The following VRK2 variants were observed in gnomAD, a reference collection of about 807,000 sequenced individuals.
VRK2 encodes the protein serine/threonine-protein kinase VRK2.
In VRK2, 60 loss-of-function variants were observed where a neutral mutation model predicts 57.6. That is an observed-to-expected ratio of 1.04 (90% confidence interval 0.85 to 1.29). The LOEUF (loss-of-function observed/expected upper bound fraction) is 1.29. VRK2 is among the 50% of genes most tolerant of loss of function. VRK2 has a pLI of 0.00. For missense variants in VRK2, 705 were observed against 588.1 expected, an observed-to-expected ratio of 1.20 and a Z score of -2.06; for synonymous variants, 231 against 199.2, an observed-to-expected ratio of 1.16 and a Z score of -1.35.
At chr2:58,041,098 A>G in intron 3 of VRK2, 1 of 981,948 alleles carries the variant, frequency 1.0e-6, no homozygotes, top group Non-Finnish European at 1.2e-6. Context: ...TAGAGTGTAA[A>G]TATAGTCTTA....
At chr2:57,987,140 A>G (rs995709828) in intron 1 of VRK2, among the ~76,000 whole-genome samples, 2 of 152,180 alleles carry the variant, frequency 1.3e-5, no homozygotes, top group Non-Finnish European at 2.9e-5. Context: ...AAAGCATAAA[A>G]TATTATAAGA....
At chr2:57,947,201 G>C (rs1269818745) in intron 1 of VRK2, among the ~76,000 whole-genome samples, 4 of 152,144 alleles carry the variant, frequency 2.6e-5, no homozygotes, top group African/African-American at 9.7e-5. Flanking sequence ...ACTACCACCA[G>C]AGTTAAAGAG....
intron 1 of VRK2, among the ~76,000 whole-genome samples, chr2:57,985,007 T>G (rs1672551379): frequency 6.6e-6 from 1 of 151,982 alleles, no homozygotes; most frequent in Admixed American, 6.5e-5. Context: ...AAAGTCAACA[T>G]TAAGTCATTA....
chr2:58,023,227 A>G (rs1673818351), intron 1 of VRK2, among the ~76,000 whole-genome samples: 1 of 152,158 alleles, frequency 6.6e-6, no homozygotes, highest in Admixed American at 6.5e-5. Flanking sequence ...GTTGAATCAT[A>G]CCGTATCTGT....
At chr2:58,130,565 A>T (rs1202658771) in intron 8 of VRK2, among the ~76,000 whole-genome samples, 1 of 152,228 alleles carries the variant, frequency 6.6e-6, no homozygotes, top group Admixed American at 6.5e-5. Flanking sequence ...TTCTGCTTTT[A>T]TAATAACTTA....
At chr2:57,995,879 C>T (rs1372104857) in intron 1 of VRK2, among the ~76,000 whole-genome samples, 2 of 152,208 alleles carry the variant, frequency 1.3e-5, no homozygotes, top group Non-Finnish European at 2.9e-5. Context: ...TTTGCACCAT[C>T]AGTGCAAATG....
chr2:58,028,835 T>TGTAACAA (rs1674015427), intron 2 of VRK2, among the ~76,000 whole-genome samples: 1 of 147,112 alleles, frequency 6.8e-6, no homozygotes, highest in Admixed American at 6.9e-5. Flanking sequence ...TGTATACATA[T>TGTAACAA]GTAACAAACC....
chr2:58,070,022 A>G (rs1011834192), intron 2 of VRK2, among the ~76,000 whole-genome samples: 1 of 152,128 alleles, frequency 6.6e-6, no homozygotes, highest in Non-Finnish European at 1.5e-5. Context: ...GTTTGTGGAA[A>G]ACTGAGCAGA....
At chr2:57,921,113 T>C (rs1572861771) in intron 1 of VRK2, among the ~76,000 whole-genome samples, 4 of 152,048 alleles carry the variant, frequency 2.6e-5, no homozygotes, top group African/African-American at 9.7e-5. Context: ...TCTTGCTAGC[T>C]ACTTGGTATT....
chr2:58,116,228 C>T (rs1279162378), intron 7 of VRK2, among the ~76,000 whole-genome samples: 1 of 151,764 alleles, frequency 6.6e-6, no homozygotes, highest in Non-Finnish European at 1.5e-5. Flanking sequence ...CGTGATCGGT[C>T]GCCAAGGAGG....
At chr2:57,915,993 C>T (rs930222541) in intron 1 of VRK2, among the ~76,000 whole-genome samples, 5 of 152,132 alleles carry the variant, frequency 3.3e-5, no homozygotes, top group African/African-American at 1.2e-4. Context: ...ACTCCCCATG[C>T]CAGTTTCGTG....
intron 2 of VRK2, among the ~76,000 whole-genome samples, chr2:58,052,387 TGG>T: frequency 6.6e-6 from 1 of 151,708 alleles, no homozygotes; most frequent in African/African-American, 2.4e-5. Context: ...CCCAGGCGGG[TGG>T]ATTGCCTGAG....
intron 7 of VRK2, among the ~76,000 whole-genome samples, chr2:58,093,349 T>C (rs1191657293): frequency 1.3e-5 from 2 of 151,860 alleles, no homozygotes; most frequent in Non-Finnish European, 2.9e-5. Flanking sequence ...TTTTAATGAT[T>C]GCCATTCTAA....
At chr2:58,135,308 G>A in intron 10 of VRK2, 109 bp downstream of exon 10, 4 of 1,125,646 alleles carry the variant, frequency 3.6e-6, no homozygotes, top group Non-Finnish European at 4.0e-6. Flanking sequence ...TCCCATCAGG[G>A]TGGGAAGGAG....
rs554555141 is a variant in VRK2 at position 57,976,544 on chromosome 2, C to A, written c.-438-49121C>A. 3.7e-4 allele frequency among the ~76,000 whole-genome samples: 56 copies of A among 152,124 alleles called. 1 individual carries two copies. The highest frequency in any genetic ancestry group is 1.2e-3 in the African/African-American group (50 of 41,512). On this transcript the variant is annotated intron_variant, in intron 1 of 15. Coordinates refer to the VRK2 transcript ENST00000417641. ...AGTATCTCTTCATGCCAGTTACTCACTTTTTAATAGGGTTGTTTGTTTTTT... is the reference window on the plus strand; with the variant it reads ...AGTATCTCTTCATGCCAGTTACTCAATTTTTAATAGGGTTGTTTGTTTTTT...
intron 12 of VRK2, among the ~76,000 whole-genome samples, chr2:58,149,626 G>C (rs774572508): frequency 2.6e-5 from 4 of 151,440 alleles, no homozygotes; most frequent in Non-Finnish European, 5.9e-5. Context: ...CTGATCTTAG[G>C]GGGAATGCAT....
chr2:58,125,701 A>C (rs975017084), intron 8 of VRK2, among the ~76,000 whole-genome samples: 2 of 152,148 alleles, frequency 1.3e-5, no homozygotes, highest in African/African-American at 4.8e-5. Context: ...TGATATATAT[A>C]TATGTAGATA....
At chr2:58,043,013 T>C (rs1674523388), upstream of VRK2, among the ~76,000 whole-genome samples, 1 of 151,904 alleles carries the variant, frequency 6.6e-6, no homozygotes, top group African/African-American at 2.4e-5. Flanking sequence ...TCCCAACACT[T>C]AAAAAAAACA....
chr2:58,124,856 G>C (rs996821306), intron 8 of VRK2, among the ~76,000 whole-genome samples: 1 of 151,806 alleles, frequency 6.6e-6, no homozygotes, highest in Non-Finnish European at 1.5e-5. Context: ...TTCAAGTATA[G>C]TTTGGTTAGA....
Sources: allele counts gnomAD v4.1 joint callset (sites outside exome capture counted in the v4.1 genomes callset), GRCh38; gene constraint gnomAD v4.1.1; transcripts MANE v1.5; gene names NCBI Gene and HGNC (gene_info 2026-07-23, HGNC 2026-07-21).